The following DCDC1 variants were observed in gnomAD, a reference collection of about 807,000 sequenced individuals.
DCDC1 encodes the protein doublecortin domain-containing protein 1.
In DCDC1, 200 loss-of-function variants were observed where a neutral mutation model predicts 178.3. The ratio of observed to expected loss-of-function variants is 1.12; its 90% CI spans 1.00 to 1.26. The LOEUF (loss-of-function observed/expected upper bound fraction) is 1.26, where lower values mean the gene tolerates loss of function less well. Ranked by LOEUF, DCDC1 falls within the 50% of genes most tolerant of loss-of-function variation. The probability of loss-of-function intolerance (pLI) is 0.00; values close to 1 mark genes in which losing one functional copy is unlikely to be tolerated. For synonymous variants in DCDC1, 690 were observed against 604.8 expected (o/e 1.14, Z -2.07); for missense variants, 1,983 against 1,749.2 (o/e 1.13, Z -2.38).
intron 9 of DCDC1, among the ~76,000 whole-genome samples, chr11:31,223,751 ATGTATAG>A (rs1203569949): frequency 6.6e-6 from 1 of 152,188 alleles, no homozygotes; most frequent in Non-Finnish European, 1.5e-5. Context: ...GCAGAGTGAC[ATGTATAG>A]TATATCATTT....
chr11:31,331,424 T>G (rs2133119302), intron 2 of DCDC1, among the ~76,000 whole-genome samples: 1 of 152,328 alleles, frequency 6.6e-6, no homozygotes, highest in African/African-American at 2.4e-5. Context: ...CTTTGTTGAG[T>G]AGGAGTGATG....
intron 1 of DCDC1, among the ~76,000 whole-genome samples, chr11:31,336,005 A>C (rs1315538880): frequency 6.6e-6 from 1 of 152,244 alleles, no homozygotes; most frequent in Admixed American, 6.5e-5. Context: ...ACATTGTTCT[A>C]GGCACTTATA....
At chr11:31,086,757 T>G (rs992036796) in intron 17 of DCDC1, among the ~76,000 whole-genome samples, 1 of 152,164 alleles carries the variant, frequency 6.6e-6, no homozygotes, top group Non-Finnish European at 1.5e-5. Flanking sequence ...TAAACCCCAC[T>G]TGTTCATGAT....
At chr11:31,290,560 C>G in intron 7 of DCDC1, 87 bp downstream of exon 7, 3 of 1,315,288 alleles carry the variant, frequency 2.3e-6, no homozygotes, top group Non-Finnish European at 3.1e-6. Context: ...TTGTTGGCAT[C>G]GATATTTAGA....
intron 25 of DCDC1, 107 bp downstream of exon 25, chr11:30,920,669 C>T (rs1946186040): frequency 7.3e-7 from 1 of 1,363,232 alleles, no homozygotes; most frequent in African/African-American, 1.5e-5. Context: ...CCATTAGTTT[C>T]ACAAACTTGG....
intron 9 of DCDC1, among the ~76,000 whole-genome samples, chr11:31,177,123 T>C (rs1174498417): frequency 6.6e-6 from 1 of 151,928 alleles, no homozygotes; most frequent in Admixed American, 6.6e-5. Flanking sequence ...TATAATAGAT[T>C]AAAAAAATAA....
intron 9 of DCDC1, among the ~76,000 whole-genome samples, chr11:31,167,100 G>A (rs1363853777): frequency 6.6e-6 from 1 of 152,074 alleles, no homozygotes; most frequent in Non-Finnish European, 1.5e-5. Flanking sequence ...CATGAATGTA[G>A]GTGGAACTAT....
intron 1 of DCDC1, among the ~76,000 whole-genome samples, chr11:31,344,695 T>C (rs1950726768): frequency 6.6e-6 from 1 of 152,210 alleles, no homozygotes; most frequent in Admixed American, 6.5e-5. Flanking sequence ...TTCATGTAGA[T>C]TTTCCAAAGG....
At chr11:30,911,514 T>A (rs780153880) in intron 27 of DCDC1, 94 bp from the exon 28 acceptor site, 1 of 872,546 alleles carries the variant, frequency 1.1e-6, no homozygotes, top group Admixed American at 2.0e-5. Context: ...CTCAGCTCCA[T>A]GCATGCTCTG....
chr11:30,936,355 T>G (rs1304663682), intron 21 of DCDC1, among the ~76,000 whole-genome samples: 1 of 150,430 alleles, frequency 6.6e-6, no homozygotes. Flanking sequence ...TTCAAAGCAT[T>G]TTAGTTTCTA....
At chr11:31,300,577 G>A (rs917167064) in intron 6 of DCDC1, among the ~76,000 whole-genome samples, 6 of 151,924 alleles carry the variant, frequency 3.9e-5, no homozygotes, top group East Asian at 1.9e-4. Flanking sequence ...AGCTGACTTC[G>A]AGTCTAGTGT....
intron 9 of DCDC1, among the ~76,000 whole-genome samples, chr11:31,204,284 ATTAAT>A (rs1038353503): frequency 1.3e-5 from 2 of 152,246 alleles, no homozygotes; most frequent in East Asian, 1.9e-4. Context: ...AGCTAAAATA[ATTAAT>A]TTAAGTATTC....
Position 30,916,870 on chromosome 11 carries a change from C to G in DCDC1, c.3452G>C (p.Ser1151Thr), listed in dbSNP as rs764130312. The G allele has an allele frequency of 6.3e-7, 1 of 1,598,058 alleles. No homozygotes were observed. Among genetic ancestry groups the G allele is most frequent in the South Asian group, 1.2e-5 (1 of 86,722 alleles). ...FENVEPQKKH[S>T]CSPKHSKLHK... ...AGAGGAATCCTTTGCAACTTTTTACCTGTGTTTCTTCTGTGGTTCCACATT... is the reference window on the plus strand; with the variant it reads ...AGAGGAATCCTTTGCAACTTTTTACGTGTGTTTCTTCTGTGGTTCCACATT... The change falls in exon 26 of 39, where the codon AGC becomes ACC. Residue 1151 changes from serine to threonine, a missense_variant and splice_region_variant. Physicochemically the swap from Ser to Thr is moderately conservative, Grantham distance 58. Transcript: ENST00000684477.
chr11:31,207,350 A>C (rs1034062294), intron 9 of DCDC1, among the ~76,000 whole-genome samples: 3 of 152,244 alleles, frequency 2.0e-5, no homozygotes, highest in Admixed American at 1.3e-4. Flanking sequence ...ACAAGACATA[A>C]AACCAAGTTA....
chr11:30,868,336 C>T (rs564576631), intron 38 of DCDC1, among the ~76,000 whole-genome samples: 21 of 144,420 alleles, frequency 1.5e-4, no homozygotes, highest in Non-Finnish European at 2.1e-4. Context: ...CTGCAGCCTC[C>T]GCCTCCCGGG....
chr11:31,184,588 C>A (rs1209353223), intron 9 of DCDC1, among the ~76,000 whole-genome samples: 1 of 152,018 alleles, frequency 6.6e-6, no homozygotes, highest in African/African-American at 2.4e-5. Flanking sequence ...AAAAAAACAA[C>A]CCTATCAAAA....
intron 9 of DCDC1, among the ~76,000 whole-genome samples, chr11:31,213,362 T>A (rs924241009): frequency 6.6e-6 from 1 of 151,854 alleles, no homozygotes; most frequent in African/African-American, 2.4e-5. Context: ...AGTCTATTTA[T>A]CAATTTGTTT....
At chr11:31,245,286 T>C (rs1943472101) in intron 8 of DCDC1, among the ~76,000 whole-genome samples, 1 of 151,366 alleles carries the variant, frequency 6.6e-6, no homozygotes, top group Admixed American at 6.6e-5. Context: ...CCTTTTGGAG[T>C]TTGAAGTCAC....
chr11:31,200,287 C>T (rs1040451294), intron 9 of DCDC1, among the ~76,000 whole-genome samples: 2 of 152,012 alleles, frequency 1.3e-5, no homozygotes, highest in Non-Finnish European at 1.5e-5. Flanking sequence ...AAATTTTACA[C>T]ATCAGAAGAT....
Sources: gnomAD v4.1 joint callset for allele counts (sites outside exome capture counted in the v4.1 genomes callset) on GRCh38, gnomAD v4.1.1 for gene constraint, MANE v1.5 for transcripts, NCBI Gene and HGNC (gene_info 2026-07-23, HGNC 2026-07-21) for gene names.